The following ARMC2 variants were observed in gnomAD, a reference collection of about 807,000 sequenced individuals.
ARMC2 encodes the protein armadillo repeat containing 2, also known as armadillo repeat-containing protein 2.
ARMC2 carries 67 observed loss-of-function variants against 90.3 expected under a neutral mutation model. That is an observed-to-expected ratio of 0.74 (90% CI 0.61 to 0.91). The LOEUF (loss-of-function observed/expected upper bound fraction) is 0.91, where lower values mean the gene tolerates loss of function less well. Among genes scored for constraint, ARMC2 ranks in the 40% least tolerant of loss-of-function variants. The probability of loss-of-function intolerance (pLI) is 0.00; values close to 1 mark genes in which losing one functional copy is unlikely to be tolerated. For synonymous variants in ARMC2, 393 were observed against 393.0 expected (o/e 1.00, Z 0.00); for missense variants, 920 against 1,030.9 (o/e 0.89, Z 1.47).
intron 17 of ARMC2, among the ~76,000 whole-genome samples, chr6:108,968,394 A>G (rs1211891208): frequency 6.6e-6 from 1 of 152,190 alleles, no homozygotes. Context: ...CACCTTGTGC[A>G]GGGGGACTGT....
chr6:108,893,306 TATTA>T (rs1172456693), intron 5 of ARMC2, among the ~76,000 whole-genome samples: 4 of 152,204 alleles, frequency 2.6e-5, no homozygotes, highest in Non-Finnish European at 1.5e-5. Context: ...TGTCAGAGAA[TATTA>T]ATTTAATTTT....
the ARMC2 span, among the ~76,000 whole-genome samples, chr6:109,023,250 T>C: frequency 6.6e-6 from 1 of 152,226 alleles, no homozygotes; most frequent in African/African-American, 2.4e-5. Flanking sequence ...ACTTTATACA[T>C]TTCTCCCTGA....
At chr6:109,017,997 GTCTCT>G in the ARMC2 span, among the ~76,000 whole-genome samples, 3 of 152,128 alleles carry the variant, frequency 2.0e-5, no homozygotes, top group Non-Finnish European at 4.4e-5. Context: ...CGAGAACCCT[GTCTCT>G]TTCTATAGAA....
intron 1 of ARMC2, among the ~76,000 whole-genome samples, chr6:108,853,280 C>G (rs1774189164): frequency 1.3e-5 from 2 of 152,136 alleles, no homozygotes; most frequent in Non-Finnish European, 2.9e-5. Flanking sequence ...TGTTTAGAAT[C>G]ATAATATAGT....
chr6:108,876,441 T>G, intron 5 of ARMC2, 91 bp downstream of exon 5: 1 of 1,390,448 alleles, frequency 7.2e-7, no homozygotes, highest in Non-Finnish European at 9.8e-7. Flanking sequence ...TGGTTTGCTT[T>G]TTCTCTTTTA....
chr6:108,866,379 G>A (rs923410361), intron 3 of ARMC2, among the ~76,000 whole-genome samples: 2 of 152,172 alleles, frequency 1.3e-5, no homozygotes, highest in Admixed American at 6.5e-5. Flanking sequence ...CAAATATAGT[G>A]CAACTTATGC....
intron 6 of ARMC2, among the ~76,000 whole-genome samples, chr6:108,898,787 C>T (rs1276140544): frequency 1.3e-5 from 2 of 152,130 alleles, no homozygotes; most frequent in East Asian, 3.9e-4. Flanking sequence ...TTGGGAACCT[C>T]CTCATAGTGT....
At chr6:108,955,479 C>T (rs372013353) in intron 13 of ARMC2, among the ~76,000 whole-genome samples, 12 of 152,248 alleles carry the variant, frequency 7.9e-5, no homozygotes, top group Admixed American at 2.0e-4. Context: ...GATGAGGAAA[C>T]GGGCTCAGTG....
At position 108,965,082 on chromosome 6, in the gene ARMC2, G is replaced by A. The variant is rs774806989; in HGVS notation, c.2388G>A (p.Ser796=). The A allele has an allele frequency of 1.9e-6, 3 of 1,613,630 alleles. No individual in the cohort carries two copies. Among genetic ancestry groups the A allele is most frequent in the Admixed American group, 1.7e-5 (1 of 60,012 alleles). ...WNFSENITNA[S]SCFGNEDTNT... ...TCAGTGAAAACATCACTAATGCTTC[G>A]TCATGTTTTGGAAATGAAGACACCA... Residue 796 remains serine, a synonymous_variant, in exon 17 of 18, where the codon TCG becomes TCA. Transcript: ENST00000392644.
intron 5 of ARMC2, among the ~76,000 whole-genome samples, chr6:108,891,987 C>A (rs1021662168): frequency 6.6e-6 from 1 of 152,220 alleles, no homozygotes; most frequent in Admixed American, 6.5e-5. Flanking sequence ...AAGGACACTT[C>A]ATTTTTTCCC....
chr6:108,876,161 C>A lies in ARMC2; in HGVS notation c.482C>A (p.Ser161Tyr), dbSNP rs1213476747. The change falls in exon 5 of 18, where the codon TCC (serine) becomes TAC (tyrosine). Residue 161 changes from serine (S) to tyrosine (Y), a missense_variant. By Grantham distance (144) the Ser-to-Tyr change is moderately radical. Transcript: ENST00000392644. ...ATTGCAGCAAAGAAGACAGTGGAAT[C>A]CAAAGAAACAGTTATGATGGGGGAC... ...PPSDSKKTVESKETVMMGDSM... is the reference protein window; with the variant it reads ...PPSDSKKTVEYKETVMMGDSM... The A allele has an allele frequency of 3.7e-6, 6 of 1,608,442 alleles. No individual in the cohort carries two copies. The highest frequency in any genetic ancestry group is 5.1e-6 in the Non-Finnish European group (6 of 1,178,328).
intron 6 of ARMC2, among the ~76,000 whole-genome samples, chr6:108,896,493 G>C (rs148334615): frequency 1.3e-5 from 2 of 152,152 alleles, no homozygotes; most frequent in Non-Finnish European, 2.9e-5. Context: ...ATAAAATGGA[G>C]GCAGGAGGAG....
chr6:108,860,704 G>A (rs1775146115), intron 3 of ARMC2, among the ~76,000 whole-genome samples: 1 of 151,818 alleles, frequency 6.6e-6, no homozygotes, highest in Admixed American at 6.6e-5. Flanking sequence ...GTGGATTGAG[G>A]TTGGTCAACC....
At chr6:108,868,775 T>C in intron 3 of ARMC2, 49 bp from the exon 4 acceptor site, 3 of 1,578,288 alleles carry the variant, frequency 1.9e-6, no homozygotes, top group Non-Finnish European at 2.6e-6. Flanking sequence ...GTAAGTGTTA[T>C]TTGAGACGCA....
chr6:108,988,999 C>T, the ARMC2 span, among the ~76,000 whole-genome samples: 1 of 152,268 alleles, frequency 6.6e-6, no homozygotes, highest in Non-Finnish European at 1.5e-5. Context: ...CACGTAGCCA[C>T]ACTGAGGAAC....
chr6:108,976,245 C>T (rs139978740), downstream of ARMC2, among the ~76,000 whole-genome samples: 280 of 152,256 alleles, frequency 1.8e-3, 1 homozygote, highest in African/African-American at 6.5e-3. Context: ...TTCCCAACAC[C>T]ATTTATTAAA....
chr6:109,033,215 G>C, the ARMC2 span, among the ~76,000 whole-genome samples: 3 of 152,170 alleles, frequency 2.0e-5, no homozygotes, highest in Non-Finnish European at 2.9e-5. Context: ...AAGCTAAAGA[G>C]AGTGCAGTGG....
chr6:108,872,533 T>C (rs1350304662), intron 4 of ARMC2, among the ~76,000 whole-genome samples: 2 of 152,168 alleles, frequency 1.3e-5, no homozygotes, highest in Non-Finnish European at 2.9e-5. Context: ...ACTGGGGTGC[T>C]GTGATGGTCT....
intron 13 of ARMC2, among the ~76,000 whole-genome samples, chr6:108,956,235 G>C (rs960340466): frequency 6.6e-6 from 1 of 152,190 alleles, no homozygotes; most frequent in Non-Finnish European, 1.5e-5. Context: ...CCAAGGAGTA[G>C]AGTTATGCAT....
Sources: gnomAD v4.1 joint callset for allele counts (sites outside exome capture counted in the v4.1 genomes callset) on GRCh38, gnomAD v4.1.1 for gene constraint, MANE v1.5 for transcripts, NCBI Gene and HGNC (gene_info 2026-07-23, HGNC 2026-07-21) for gene names.